Variants in LAGE3 observed in about 807,000 individuals in gnomAD.
LAGE3 encodes the protein EKC/KEOPS complex subunit LAGE3.
A neutral mutation model predicts 4.4 loss-of-function variants in LAGE3; 2 were observed. The observed-to-expected ratio is 0.46, with a 90% CI of 0.19 to 1.44. The LOEUF is 1.44. LAGE3 is among the 40% of genes most tolerant of loss of function. The pLI is 0.26. For synonymous variants in LAGE3, 79 were observed against 60.0 expected (o/e 1.32, Z -1.47); for missense variants, 152 against 138.1 (o/e 1.10, Z -0.51).
At position 154,478,023 on chromosome X, in the gene LAGE3, A is replaced by G; in HGVS notation, c.353T>C (p.Ile118Thr). The G allele has an allele frequency of 8.3e-7, 1 of 1,212,077 alleles. No individual in the cohort carries two copies. The highest frequency in any genetic ancestry group is 3.0e-5 in the East Asian group (1 of 33,879). ...WKAEDCRLLR[I>T]SVINFLDQLS... The stretch of plus-strand genomic sequence containing the variant: ...CTGGTCAAGAAAGTTGATGACGGAA[A>G]TTCGGAGCAGGCGACAGTCTTCAGC... The change falls in exon 3 of 3, where the codon ATT becomes ACT. Residue 118 changes from isoleucine to threonine, a missense_variant. Physicochemically the swap from Ile to Thr is moderately conservative, Grantham distance 89. Coordinates refer to ENST00000357360, the MANE Select transcript of LAGE3 (RefSeq NM_006014.5).
rs782333293 is a variant in LAGE3, at chrX:154,477,937, G to C, written c.*7C>G. 1.7e-6 allele frequency: 2 copies of C among 1,203,695 alleles called. No homozygotes were observed. Among genetic ancestry groups the C allele is most frequent in the Admixed American group, 2.2e-5 (1 of 46,085 alleles). On this transcript the variant is annotated 3_prime_UTR_variant, in exon 3 of 3. Transcript: ENST00000357360. ...GTGGGACCTCGCTCCATTTGCCCAG[G>C]CCAGGCTTAGCGGGAAACGGGGGGC...
At position 154,477,787 on chromosome X, in the gene LAGE3, T is replaced by G; in HGVS notation, c.*157A>C. 1 of 440,015 alleles carries G rather than the reference T, an allele frequency of 2.3e-6. No individual in the cohort carries two copies. The highest frequency in any genetic ancestry group is 4.0e-6 in the Non-Finnish European group (1 of 251,229). 36.3% of individuals were successfully genotyped at this position (440,015 alleles called of 1,213,427 possible). A position where few individuals can be genotyped will look rare whatever the true frequency, so the allele number is the denominator to read the frequency against. ...CTCAGACTTGGAATAGTAGCGCAGT[T>G]TTATTTTCTGTAGTAACAAACATTT... On this transcript the variant is annotated 3_prime_UTR_variant, in exon 3 of 3. Transcript: ENST00000357360.
Position 154,478,838 on chromosome X carries a change from G to A in LAGE3, c.78C>T (p.Gly26=). Residue 26 remains glycine, a synonymous_variant, in exon 1 of 3, where the codon GGC becomes GGT. Transcript: ENST00000357360. ...DGRGGHSCRG[G]VDTAAAPAGG... is the part of the protein sequence containing the mutation. ...CGGCCGGAGCTGCGGCTGTGTCCACGCCCCCGCGGCAGCTGTGGCCACCCC... is the reference window on the plus strand; with the variant it reads ...CGGCCGGAGCTGCGGCTGTGTCCACACCCCCGCGGCAGCTGTGGCCACCCC... 1 of 1,065,872 alleles carries A rather than the reference G, an allele frequency of 9.4e-7. No homozygotes were observed. Among genetic ancestry groups the A allele is most frequent in the South Asian group, 2.5e-5 (1 of 39,379 alleles). 87.8% of individuals were successfully genotyped at this position (1,065,872 alleles called of 1,213,427 possible). A position where few individuals can be genotyped will look rare whatever the true frequency, so the allele number is the denominator to read the frequency against.
intron 2 of LAGE3, 40 bp from the exon 3 acceptor site, chrX:154,478,098 A>C (rs2069249480): frequency 8.8e-7 from 1 of 1,136,265 alleles, no homozygotes; most frequent in African/African-American, 1.8e-5. Flanking sequence ...TGGAGGTGGC[A>C]ACTCCTGGTC....
rs2069257999 is a variant in LAGE3 at position 154,479,057 on chromosome X, G to A, written c.-142C>T. 1 of 320,797 alleles carries A rather than the reference G, an allele frequency of 3.1e-6. No individual in the cohort carries two copies. Among genetic ancestry groups the A allele is most frequent in the African/African-American group, 2.7e-5 (1 of 37,154 alleles). 26.4% of individuals were successfully genotyped at this position (320,797 alleles called of 1,213,427 possible). On this transcript the variant is annotated 5_prime_UTR_variant, in exon 1 of 3. Transcript: ENST00000357360. ...GCGCAGGTCCCTGGAGAGCCTGACT[G>A]GCGCGTGGTCAGTTCCCGCCAAGCG... is the stretch of plus-strand genomic sequence containing the variant.
rs782685188 is a variant in LAGE3 at position 154,478,797 on chromosome X, G to T, written c.119C>A (p.Ala40Glu). The change falls in exon 1 of 3, where the codon GCG becomes GAG. Residue 40 changes from alanine to glutamate, a missense_variant. Physicochemically the swap from Ala to Glu is moderately radical, Grantham distance 107 (BLOSUM62 -1). Coordinates refer to ENST00000357360, the MANE Select transcript of LAGE3 (RefSeq NM_006014.5). ...GTCTCTGCCCGGACCTGGCGCGTGCGCTGGGGGAGCTCCACCGGCCGGAGC... is the reference window on the plus strand; with the variant it reads ...GTCTCTGCCCGGACCTGGCGCGTGCTCTGGGGGAGCTCCACCGGCCGGAGC... ...AAAPAGGAPPAHAPGPGRDAA... is the reference protein window; with the variant it reads ...AAAPAGGAPPEHAPGPGRDAA... The T allele has an allele frequency of 1.5e-4, 171 of 1,134,330 alleles. No individual in the cohort carries two copies. Among genetic ancestry groups the T allele is most frequent in the Non-Finnish European group, 1.9e-4 (167 of 865,513 alleles). 93.5% of individuals were successfully genotyped at this position (1,134,330 alleles called of 1,213,427 possible).
In LAGE3 at chrX:154,478,315, C is replaced by T; in HGVS notation, c.285G>A (p.Lys95=). Residue 95 remains lysine (K), a synonymous_variant, in exon 2 of 3, where the codon AAG becomes AAA. Transcript: ENST00000357360. ...GGATCCTGCCACTCACTGTGAGATC[C>T]TTCCCAACCACCCTTTGGTGGGGCT... ...DAEPHQRVVG[K]DLTVSGRILV... is the part of the protein sequence containing the mutation. 4.1e-6 allele frequency: 5 copies of T among 1,211,539 alleles called. No homozygotes were observed. The highest frequency in any genetic ancestry group is 2.4e-4 in the Middle Eastern group (1 of 4,121).
intron 1 of LAGE3, 138 bp downstream of exon 1, chrX:154,478,590 C>T: frequency 3.1e-6 from 3 of 973,535 alleles, no homozygotes; most frequent in South Asian, 5.2e-5. Context: ...TCCCCTCCTC[C>T]GACCACCTCT....
rs1399400548 is a variant in LAGE3 at position 154,479,037 on chromosome X, G to C, written c.-122C>G. ...GACTCCGCCCACACGCGCCTGCGCA[G>C]GTCCCTGGAGAGCCTGACTGGCGCG... On this transcript the variant is annotated 5_prime_UTR_variant, in exon 1 of 3. Coordinates refer to ENST00000357360, the MANE Select transcript of LAGE3 (RefSeq NM_006014.5). The C allele has an allele frequency of 5.8e-6, 2 of 347,489 alleles. No individual in the cohort carries two copies. The highest frequency in any genetic ancestry group is 2.7e-5 in the African/African-American group (1 of 37,710). 28.6% of individuals were successfully genotyped at this position (347,489 alleles called of 1,213,427 possible).
chrX:154,479,092 G>C lies in LAGE3; in HGVS notation c.-177C>G. Reference sequence around the variant, plus strand: ...CAGTTCCCGCCAAGCGGCCCTGCCGGGGGCCTTCTGAGACCCGGTCAGCGG... The same window carrying C: ...CAGTTCCCGCCAAGCGGCCCTGCCGCGGGCCTTCTGAGACCCGGTCAGCGG... On this transcript the variant is annotated 5_prime_UTR_variant, in exon 1 of 3. Coordinates refer to ENST00000357360, the MANE Select transcript of LAGE3 (RefSeq NM_006014.5). 6.7e-6 allele frequency: 2 copies of C among 296,993 alleles called. No individual in the cohort carries two copies. Among genetic ancestry groups the C allele is most frequent in the Non-Finnish European group, 1.2e-5 (2 of 170,452 alleles). 24.5% of individuals were successfully genotyped at this position (296,993 alleles called of 1,213,427 possible).
rs2069255095 is a variant in LAGE3 at position 154,478,813 on chromosome X, C to T, written c.103G>A (p.Gly35Ser). ...GGCGCGTGCGCTGGGGGAGCTCCAC[C>T]GGCCGGAGCTGCGGCTGTGTCCACG... Reference protein sequence around the residue: ...GGVDTAAAPAGGAPPAHAPGP... With the variant: ...GGVDTAAAPASGAPPAHAPGP... The change falls in exon 1 of 3, where the codon GGT (glycine) becomes AGT (serine). Residue 35 changes from glycine to serine, a missense_variant. Transcript: ENST00000357360. 1 of 1,123,432 alleles carries T rather than the reference C, an allele frequency of 8.9e-7. No individual in the cohort carries two copies. Among genetic ancestry groups the T allele is most frequent in the Non-Finnish European group, 1.2e-6 (1 of 859,226 alleles). 92.6% of individuals were successfully genotyped at this position (1,123,432 alleles called of 1,213,427 possible).
Position 154,478,752 on chromosome X carries a change from C to A in LAGE3, c.164G>T (p.Gly55Val). 1 of 1,108,593 alleles carries A rather than the reference C, an allele frequency of 9.0e-7. No individual in the cohort carries two copies. The highest frequency in any genetic ancestry group is 1.2e-6 in the Non-Finnish European group (1 of 854,928). 91.4% of individuals were successfully genotyped at this position (1,108,593 alleles called of 1,213,427 possible). A position where few individuals can be genotyped will look rare whatever the true frequency, so the allele number is the denominator to read the frequency against. The change falls in exon 1 of 3, where the codon GGG (glycine) becomes GTG (valine). Residue 55 changes from glycine (G) to valine (V), a missense_variant. Coordinates refer to ENST00000357360, the MANE Select transcript of LAGE3 (RefSeq NM_006014.5). ...CAATATGTGCGGCCGCATTCGTGAC[C>A]CCCTGGCCGCAGACGCGGCGTCTCT... The part of the protein sequence containing the change: ...PGRDAASAAR[G>V]SRMRPHIFTL...
chrX:154,478,536 C>G (rs2148261328), intron 1 of LAGE3, 125 bp from the exon 2 acceptor site: 1 of 994,151 alleles, frequency 1.0e-6, no homozygotes, highest in East Asian at 3.4e-5. Flanking sequence ...CCTTACCTCG[C>G]CCAGGCCACC....
intron 2 of LAGE3, 38 bp from the exon 3 acceptor site, chrX:154,478,096 G>A (rs1557211260): frequency 8.9e-7 from 1 of 1,129,313 alleles, no homozygotes; most frequent in Non-Finnish European, 1.2e-6. Flanking sequence ...ATTGGAGGTG[G>A]CAACTCCTGG....
chrX:154,478,842 C>A lies in LAGE3; in HGVS notation c.74G>T (p.Gly25Val). The change falls in exon 1 of 3, where the codon GGG becomes GTG. Residue 25 changes from glycine to valine, a missense_variant. Transcript: ENST00000357360. Reference sequence around the variant, plus strand: ...CGGAGCTGCGGCTGTGTCCACGCCCCCGCGGCAGCTGTGGCCACCCCGGCC... The same window carrying A: ...CGGAGCTGCGGCTGTGTCCACGCCCACGCGGCAGCTGTGGCCACCCCGGCC... ...GDGRGGHSCRGGVDTAAAPAG... is the reference protein window; with the variant it reads ...GDGRGGHSCRVGVDTAAAPAG... 9.4e-7 allele frequency: 1 copy of A among 1,063,312 alleles called. No individual in the cohort carries two copies. The highest frequency in any genetic ancestry group is 3.9e-5 in the Admixed American group (1 of 25,651). 87.6% of individuals were successfully genotyped at this position (1,063,312 alleles called of 1,213,427 possible). A position where few individuals can be genotyped will look rare whatever the true frequency, so the allele number is the denominator to read the frequency against.
Position 154,478,884 on chromosome X carries a change from C to G in LAGE3, c.32G>C (p.Gly11Ala), listed in dbSNP as rs1025038377. MRDADADAGG[G>A]ADGGDGRGGH... ...ACCCCGGCCATCCCCGCCGTCAGCG[C>G]CTCCGCCTGCGTCTGCATCCGCGTC... Residue 11 changes from glycine (G) to alanine (A), a missense_variant, in exon 1 of 3, where the codon GGC becomes GCC. Coordinates refer to ENST00000357360, the MANE Select transcript of LAGE3 (RefSeq NM_006014.5). 9.9e-7 allele frequency: 1 copy of G among 1,006,253 alleles called. No individual in the cohort carries two copies. Among genetic ancestry groups the G allele is most frequent in the Non-Finnish European group, 1.3e-6 (1 of 797,405 alleles). The allele number at this position is 1,006,253 out of a possible 1,213,427, so 82.9% of individuals were successfully genotyped here.
At chrX:154,478,113 G>C in intron 2 of LAGE3, 55 bp from the exon 3 acceptor site, 1 of 1,110,645 alleles carries the variant, frequency 9.0e-7, no homozygotes, top group Non-Finnish European at 1.2e-6. Flanking sequence ...CTGGTCCCTC[G>C]CTCTGCCCCT....
chrX:154,478,961 T>C lies in LAGE3; in HGVS notation c.-46A>G, dbSNP rs1179673095. On this transcript the variant is annotated 5_prime_UTR_variant, in exon 1 of 3. Coordinates refer to ENST00000357360, the MANE Select transcript of LAGE3 (RefSeq NM_006014.5). ...GACTCCACCCCCGAAGCGCAGGTCC[T>C]ACGCCCCGCCCTCTCTGTGGCTCCT... 9.0e-6 allele frequency: 6 copies of C among 663,300 alleles called. No homozygotes were observed. The African/African-American group carries it at 1.2e-4, about 13-fold the overall frequency. The allele number at this position is 663,300 out of a possible 1,213,427, so 54.7% of individuals were successfully genotyped here. A position where few individuals can be genotyped will look rare whatever the true frequency, so the allele number is the denominator to read the frequency against.
In LAGE3 at chrX:154,478,747, G is replaced by C. The variant is rs782065337; in HGVS notation, c.169C>G (p.Arg57Gly). 9.1e-7 allele frequency: 1 copy of C among 1,102,622 alleles called. No homozygotes were observed. The highest frequency in any genetic ancestry group is 1.2e-6 in the Non-Finnish European group (1 of 852,146). 90.9% of individuals were successfully genotyped at this position (1,102,622 alleles called of 1,213,427 possible). Residue 57 changes from arginine (R) to glycine (G), a missense_variant, in exon 1 of 3, where the codon CGA becomes GGA. By Grantham distance (125) the Arg-to-Gly change is moderately radical. Coordinates refer to ENST00000357360, the MANE Select transcript of LAGE3 (RefSeq NM_006014.5). ...RDAASAARGS[R>G]MRPHIFTLSV... ...GGATACAATATGTGCGGCCGCATTC[G>C]TGACCCCCTGGCCGCAGACGCGGCG...
Sources: gnomAD v4.1 joint callset for allele counts on GRCh38, gnomAD v4.1.1 for gene constraint, MANE v1.5 for transcripts, NCBI Gene and HGNC (gene_info 2026-07-23, HGNC 2026-07-21) for gene names.